TMEM132B: variants seen among roughly 807,000 people sequenced by gnomAD.
TMEM132B encodes transmembrane protein 132B.
TMEM132B carries 18 observed loss-of-function variants against 90.8 expected under a neutral mutation model. That is an observed-to-expected ratio of 0.20 (90% CI 0.14 to 0.29). The LOEUF is 0.29. Among genes scored for constraint, TMEM132B ranks in the 10% least tolerant of loss-of-function variants. The pLI, the probability that TMEM132B is intolerant of heterozygous loss-of-function variation, is 1.00. For missense variants in TMEM132B, 1,096 were observed against 1,326.8 expected (o/e 0.83, Z 2.70); for synonymous variants, 504 against 523.3 (o/e 0.96, Z 0.50).
At chr12:125,485,592 T>G (rs981544021) in intron 3 of TMEM132B, among the ~76,000 whole-genome samples, 1 of 152,220 alleles carries the variant, frequency 6.6e-6, no homozygotes, top group Admixed American at 6.5e-5. Flanking sequence ...CCAACACCTC[T>G]TTATCAAATT....
intron 6 of TMEM132B, among the ~76,000 whole-genome samples, chr12:125,645,217 C>CA (rs57035989): frequency 0.017 from 1,208 of 72,258 alleles, 12 homozygotes; most frequent in African/African-American, 0.026. Flanking sequence ...GACTCCGTCT[C>CA]AAAAAAAAAA....
intron 5 of TMEM132B, among the ~76,000 whole-genome samples, chr12:125,630,711 A>C (rs750960111): frequency 1.3e-5 from 2 of 151,972 alleles, no homozygotes; most frequent in South Asian, 2.1e-4. Flanking sequence ...CCTAGTACCC[A>C]ATATTTTTTC....
chr12:125,484,880 C>T (rs1882161164), intron 3 of TMEM132B, among the ~76,000 whole-genome samples: 1 of 152,282 alleles, frequency 6.6e-6, no homozygotes, highest in Admixed American at 6.5e-5. Flanking sequence ...GCTGGGATTA[C>T]AGGTGTGAGC....
chr12:125,376,748 G>A (rs1878502741), intron 2 of TMEM132B, among the ~76,000 whole-genome samples: 2 of 152,234 alleles, frequency 1.3e-5, no homozygotes, highest in African/African-American at 4.8e-5. Context: ...GAAGCCCACT[G>A]TCTAAGGGGG....
At chr12:125,591,544 T>G (rs1009530170) in intron 5 of TMEM132B, among the ~76,000 whole-genome samples, 1 of 152,218 alleles carries the variant, frequency 6.6e-6, no homozygotes, top group African/African-American at 2.4e-5. Flanking sequence ...ATCTGTGATG[T>G]CCTTTTGACA....
chr12:125,485,675 A>T (rs78048203), intron 3 of TMEM132B, among the ~76,000 whole-genome samples: 11,594 of 152,200 alleles, frequency 0.076, 1,009 homozygotes, highest in African/African-American at 0.21. Flanking sequence ...AAGTTACTGT[A>T]GTTCCATCCA....
chr12:125,335,275 A>C (rs976856591), intron 1 of TMEM132B, among the ~76,000 whole-genome samples: 1 of 152,206 alleles, frequency 6.6e-6, no homozygotes, highest in African/African-American at 2.4e-5. Flanking sequence ...GTTTTATTTG[A>C]AAAATAGAGA....
intron 1 of TMEM132B, among the ~76,000 whole-genome samples, chr12:125,323,334 G>A (rs1876479173): frequency 6.6e-6 from 1 of 152,170 alleles, no homozygotes; most frequent in African/African-American, 2.4e-5. Flanking sequence ...TATTTGGGAG[G>A]CTGAGGCAGA....
At chr12:125,394,102 C>T (rs1879105234) in intron 2 of TMEM132B, among the ~76,000 whole-genome samples, 1 of 152,144 alleles carries the variant, frequency 6.6e-6, no homozygotes, top group Non-Finnish European at 1.5e-5. Context: ...AAGCCTGGAG[C>T]CACAAGCCTA....
chr12:125,505,470 G>T (rs994066235), intron 3 of TMEM132B, among the ~76,000 whole-genome samples: 22 of 152,100 alleles, frequency 1.4e-4, no homozygotes, highest in Middle Eastern at 3.4e-3. Flanking sequence ...AGGCCAAGCA[G>T]GGTGGATCAC....
At chr12:125,520,944 C>A (rs1008249766) in intron 4 of TMEM132B, among the ~76,000 whole-genome samples, 2 of 152,104 alleles carry the variant, frequency 1.3e-5, no homozygotes, top group Non-Finnish European at 2.9e-5. Context: ...CATCATTGAC[C>A]CACATTGTGG....
intron 3 of TMEM132B, among the ~76,000 whole-genome samples, chr12:125,439,569 C>A (rs1420332714): frequency 1.3e-5 from 2 of 152,138 alleles, no homozygotes; most frequent in African/African-American, 2.4e-5. Flanking sequence ...AGCTTTTGGG[C>A]TGAGATTATG....
At chr12:125,346,085 T>G (rs1163999886) in intron 1 of TMEM132B, among the ~76,000 whole-genome samples, 3 of 152,206 alleles carry the variant, frequency 2.0e-5, no homozygotes, top group Non-Finnish European at 4.4e-5. Context: ...CATATACACT[T>G]TCAGACAAAA....
intron 3 of TMEM132B, among the ~76,000 whole-genome samples, chr12:125,428,429 T>C (rs940478288): frequency 6.6e-6 from 1 of 152,200 alleles, no homozygotes; most frequent in African/African-American, 2.4e-5. Context: ...TTTTGACCTA[T>C]TTATTGCCAT....
intron 1 of TMEM132B, among the ~76,000 whole-genome samples, chr12:125,226,684 C>T (rs1873688218): frequency 6.6e-6 from 1 of 152,190 alleles, no homozygotes; most frequent in African/African-American, 2.4e-5. Flanking sequence ...TTGGGAAAGT[C>T]CACTCTTCCT....
At chr12:125,544,700 T>C (rs1232897086) in intron 4 of TMEM132B, among the ~76,000 whole-genome samples, 2 of 152,148 alleles carry the variant, frequency 1.3e-5, no homozygotes, top group Admixed American at 6.5e-5. Context: ...CAATGCAAGA[T>C]GGCAAGAAGC....
At chr12:125,456,429 G>T (rs1481791658) in intron 3 of TMEM132B, among the ~76,000 whole-genome samples, 2 of 152,260 alleles carry the variant, frequency 1.3e-5, no homozygotes, top group South Asian at 2.1e-4. Flanking sequence ...GTCTAAAAAC[G>T]CCTCCTTGCA....
At chr12:125,321,818 T>C (rs1876432465) in intron 1 of TMEM132B, among the ~76,000 whole-genome samples, 1 of 151,948 alleles carries the variant, frequency 6.6e-6, no homozygotes, top group Non-Finnish European at 1.5e-5. Flanking sequence ...CACCACCATA[T>C]GACCCAGCAA....
chr12:125,486,948 G>A (rs1201701618), intron 3 of TMEM132B, among the ~76,000 whole-genome samples: 3 of 152,210 alleles, frequency 2.0e-5, no homozygotes, highest in Non-Finnish European at 2.9e-5. Context: ...GACCTGAGTA[G>A]CATTGTTCTC....
Sources: allele counts gnomAD v4.1 joint callset (sites outside exome capture counted in the v4.1 genomes callset), GRCh38; gene constraint gnomAD v4.1.1; transcripts MANE v1.5; gene names NCBI Gene and HGNC (gene_info 2026-07-23, HGNC 2026-07-21).